PLEK: variants seen among roughly 807,000 people sequenced by gnomAD.
The protein encoded by PLEK is platelet 47 kDa protein.
PLEK carries 25 observed loss-of-function variants against 43.9 expected under a neutral mutation model. The observed-to-expected ratio is 0.57, with a 90% CI of 0.41 to 0.79. The LOEUF (loss-of-function observed/expected upper bound fraction) is 0.79. Among genes scored for constraint, PLEK ranks in the 30% least tolerant of loss-of-function variants. The probability of loss-of-function intolerance (pLI) is 0.00; values close to 1 mark genes in which losing one functional copy is unlikely to be tolerated. For missense variants in PLEK, 396 were observed against 413.3 expected (o/e 0.96, Z 0.36); for synonymous variants, 152 against 144.4 (o/e 1.05, Z -0.38).
chr2:68,379,224 C>T (rs1673563438), intron 1 of PLEK, among the ~76,000 whole-genome samples: 1 of 152,186 alleles, frequency 6.6e-6, no homozygotes, highest in Non-Finnish European at 1.5e-5. Flanking sequence ...ACCATCTCAG[C>T]AGTGTTACCA....
At chr2:68,368,571 G>A (rs1673327699) in intron 1 of PLEK, among the ~76,000 whole-genome samples, 1 of 152,216 alleles carries the variant, frequency 6.6e-6, no homozygotes, top group South Asian at 2.1e-4. Context: ...AAATTGTTTT[G>A]TGGGCAAGAT....
At chr2:68,373,989 C>A (rs1418774550) in intron 1 of PLEK, among the ~76,000 whole-genome samples, 2 of 152,116 alleles carry the variant, frequency 1.3e-5, no homozygotes, top group Non-Finnish European at 2.9e-5. Context: ...GTTAAGCCCA[C>A]AGAAAAATGA....
chr2:68,380,742 C>T lies in PLEK; in HGVS notation c.218C>T (p.Thr73Met), dbSNP rs200352669. 63 of 1,613,538 alleles carry T rather than the reference C, an allele frequency of 3.9e-5. No homozygotes were observed. The highest frequency in any genetic ancestry group is 6.6e-5 in the South Asian group (6 of 91,040). Residue 73 changes from threonine to methionine, a missense_variant, in exon 3 of 9, where the codon ACG (threonine) becomes ATG (methionine). Thr to Met is a moderately conservative substitution (Grantham distance 81). Transcript: ENST00000234313. ...GKRMFVFKIT[T>M]TKQQDHFFQA... is the part of the protein sequence containing the mutation. ...TTTCAGTTTGTGTTTAAGATCACTACGACCAAACAGCAGGACCACTTCTTC... is the reference window on the plus strand; with the variant it reads ...TTTCAGTTTGTGTTTAAGATCACTATGACCAAACAGCAGGACCACTTCTTC...
At chr2:68,380,272 A>G (rs1673585915) in intron 1 of PLEK, 56 bp from the exon 2 acceptor site, 1 of 1,441,062 alleles carries the variant, frequency 6.9e-7, no homozygotes, top group Non-Finnish European at 9.5e-7. Context: ...TGTTAGGAGG[A>G]AAATACAGTT....
chr2:68,374,316 T>C (rs1195830816), intron 1 of PLEK, among the ~76,000 whole-genome samples: 2 of 152,216 alleles, frequency 1.3e-5, no homozygotes, highest in African/African-American at 2.4e-5. Flanking sequence ...GATCACTCAA[T>C]AATATTCTGC....
At chr2:68,377,117 A>G (rs1673520641) in intron 1 of PLEK, among the ~76,000 whole-genome samples, 1 of 152,148 alleles carries the variant, frequency 6.6e-6, no homozygotes, top group Non-Finnish European at 1.5e-5. Context: ...TTTTTATGGC[A>G]AAGTAGCCCT....
At chr2:68,393,759 T>C (rs2103787188) in intron 7 of PLEK, among the ~76,000 whole-genome samples, 1 of 152,318 alleles carries the variant, frequency 6.6e-6, no homozygotes, top group Non-Finnish European at 1.5e-5. Flanking sequence ...GGTGGTTATA[T>C]TGCTGCATCA....
At chr2:68,365,474 C>T in intron 1 of PLEK, 81 bp downstream of exon 1, 2 of 1,081,494 alleles carry the variant, frequency 1.8e-6, no homozygotes, top group Non-Finnish European at 1.4e-6. Flanking sequence ...GCTACCTGCT[C>T]ATCTTAGGAA....
intron 6 of PLEK, among the ~76,000 whole-genome samples, chr2:68,392,086 C>A (rs560559979): frequency 6.6e-6 from 1 of 151,574 alleles, no homozygotes; most frequent in South Asian, 2.1e-4. Context: ...TTGGGAAAGG[C>A]CAAGTCGTCA....
At chr2:68,382,664 G>A (rs778135181) in intron 4 of PLEK, 31 bp downstream of exon 4, 35 of 1,241,392 alleles carry the variant, frequency 2.8e-5, no homozygotes, top group Non-Finnish European at 3.6e-5. Flanking sequence ...GAAATAGGGC[G>A]ACTGGGAAGG....
chr2:68,394,534 C>CA (rs35287888), intron 8 of PLEK, among the ~76,000 whole-genome samples: 40,397 of 147,580 alleles, frequency 0.27, 5,753 homozygotes, highest in Middle Eastern at 0.4. Flanking sequence ...TACTCTGTCT[C>CA]AAAAAAAAAA....
chr2:68,368,895 G>A (rs1174679776), intron 1 of PLEK, among the ~76,000 whole-genome samples: 1 of 152,158 alleles, frequency 6.6e-6, no homozygotes, highest in African/African-American at 2.4e-5. Flanking sequence ...CTTTGAGGCT[G>A]GGAGAAAGCA....
chr2:68,394,630 T>C (rs1673930332), intron 8 of PLEK, among the ~76,000 whole-genome samples: 1 of 152,126 alleles, frequency 6.6e-6, no homozygotes, highest in Admixed American at 6.5e-5. Context: ...CTCCAGGCCT[T>C]GGGGAGTTGG....
intron 6 of PLEK, among the ~76,000 whole-genome samples, chr2:68,390,600 A>G (rs990493593): frequency 2.6e-5 from 4 of 152,180 alleles, no homozygotes; most frequent in African/African-American, 9.7e-5. Context: ...CTCTTAGCTC[A>G]GTGGTTAGTA....
intron 1 of PLEK, among the ~76,000 whole-genome samples, chr2:68,376,970 T>A (rs1673517787): frequency 1.3e-5 from 2 of 152,278 alleles, no homozygotes; most frequent in South Asian, 4.1e-4. Flanking sequence ...TCTGTGTCCA[T>A]GAGTTCAGTT....
chr2:68,371,705 T>A (rs370792988), intron 1 of PLEK, among the ~76,000 whole-genome samples: 1 of 152,194 alleles, frequency 6.6e-6, no homozygotes, highest in African/African-American at 2.4e-5. Context: ...GAGCCCATGG[T>A]CACCTGCAGG....
At chr2:68,388,983 G>A (rs1179289334) in intron 6 of PLEK, among the ~76,000 whole-genome samples, 1 of 152,136 alleles carries the variant, frequency 6.6e-6, no homozygotes, top group Non-Finnish European at 1.5e-5. Flanking sequence ...GGCATGCAGA[G>A]GCCAGTTCAC....
At chr2:68,388,345 C>T (rs72825000) in intron 5 of PLEK, 42 bp from the exon 6 acceptor site, 393 of 1,192,550 alleles carry the variant, frequency 3.3e-4, no homozygotes, top group Non-Finnish European at 4.1e-4. Context: ...TGCAATGTGC[C>T]TAAGACTGGT....
At chr2:68,368,334 C>G (rs770495514) in intron 1 of PLEK, among the ~76,000 whole-genome samples, 1 of 152,222 alleles carries the variant, frequency 6.6e-6, no homozygotes, top group Non-Finnish European at 1.5e-5. Flanking sequence ...TTCATTTAAT[C>G]CTAACCACCC....
Sources: allele counts gnomAD v4.1 joint callset (sites outside exome capture counted in the v4.1 genomes callset), GRCh38; gene constraint gnomAD v4.1.1; transcripts MANE v1.5; gene names NCBI Gene and HGNC (gene_info 2026-07-23, HGNC 2026-07-21).